The following LIPA variants were observed in gnomAD, a reference collection of about 807,000 sequenced individuals.
LIPA encodes lipase A, lysosomal acid type.
A neutral mutation model predicts 40.6 loss-of-function variants in LIPA; 26 were observed. That is an observed-to-expected ratio of 0.64 (90% CI 0.47 to 0.89). The LOEUF is 0.89. LIPA is among the 40% of genes least tolerant of loss of function. The pLI, the probability that LIPA is intolerant of heterozygous loss-of-function variation, is 0.00. For missense variants in LIPA, 455 were observed against 479.6 expected (o/e 0.95, Z 0.48); for synonymous variants, 188 against 168.4 (o/e 1.12, Z -0.90).
Position 89,225,152 on chromosome 10 carries a change from G to T in LIPA, c.615C>A (p.Ser205=), listed in dbSNP as rs143930279. 1 of 1,614,122 alleles carries T rather than the reference G, an allele frequency of 6.2e-7. No homozygotes were observed. Among genetic ancestry groups the T allele is most frequent in the East Asian group, 2.2e-5 (1 of 44,880 alleles). ...KMFFALGPVA[S]VAFCTSPMAK... ...CCATAGGGCTAGTACAGAAGGCGACGGAAGCCACAGGACCCAGGGCAAAAA... is the reference window on the plus strand; with the variant it reads ...CCATAGGGCTAGTACAGAAGGCGACTGAAGCCACAGGACCCAGGGCAAAAA... Residue 205 remains serine (S), a synonymous_variant, in exon 6 of 10, where the codon TCC becomes TCA. Transcript: ENST00000336233.
chr10:89,249,392 A>T (rs1158219467), intron 1 of LIPA, among the ~76,000 whole-genome samples: 3 of 152,224 alleles, frequency 2.0e-5, no homozygotes, highest in Non-Finnish European at 2.9e-5. Flanking sequence ...CTACATTTTT[A>T]AAAAATAAAT....
intron 1 of LIPA, chr10:89,306,212 G>A: frequency 6.2e-7 from 1 of 1,614,164 alleles, no homozygotes. Flanking sequence ...GCAAGAGCAT[G>A]CTGACCAGGC....
intron 1 of LIPA, among the ~76,000 whole-genome samples, chr10:89,323,333 C>A (rs1843581651): frequency 6.6e-6 from 1 of 152,146 alleles, no homozygotes; most frequent in South Asian, 2.1e-4. Flanking sequence ...AGGTCAACAT[C>A]ATACTGAATG....
At chr10:89,304,921 G>A (rs1372106610) in intron 1 of LIPA, among the ~76,000 whole-genome samples, 1 of 151,992 alleles carries the variant, frequency 6.6e-6, no homozygotes, top group Non-Finnish European at 1.5e-5. Context: ...TAGTGGCCTT[G>A]TGAGCCTTCC....
chr10:89,399,762 T>C (rs1844395839), intron 2 of LIPA, among the ~76,000 whole-genome samples: 1 of 149,978 alleles, frequency 6.7e-6, no homozygotes, highest in Non-Finnish European at 1.5e-5. Flanking sequence ...TGTTGAACTG[T>C]TGTTTGGAGA....
intron 2 of LIPA, among the ~76,000 whole-genome samples, chr10:89,401,717 G>C (rs1371889603): frequency 6.6e-6 from 1 of 151,686 alleles, no homozygotes; most frequent in Non-Finnish European, 1.5e-5. Context: ...AGTGGGTGAA[G>C]GATACACTGG....
chr10:89,260,124 T>C (rs1843200093), intron 1 of LIPA, among the ~76,000 whole-genome samples: 1 of 152,206 alleles, frequency 6.6e-6, no homozygotes, highest in Non-Finnish European at 1.5e-5. Context: ...ACAGATATAA[T>C]CCTAATACTT....
At chr10:89,252,851 G>A (rs996190432), upstream of LIPA, among the ~76,000 whole-genome samples, 4 of 151,850 alleles carry the variant, frequency 2.6e-5, no homozygotes, top group South Asian at 6.2e-4. Flanking sequence ...TATGTATATG[G>A]TAATCAGGAA....
intron 1 of LIPA, among the ~76,000 whole-genome samples, chr10:89,270,083 C>T (rs1351326913): frequency 6.6e-6 from 1 of 152,240 alleles, no homozygotes; most frequent in Non-Finnish European, 1.5e-5. Context: ...CAGGTGGTCA[C>T]TCCAAATTAG....
intron 1 of LIPA, among the ~76,000 whole-genome samples, chr10:89,317,966 T>C (rs1843550105): frequency 6.6e-6 from 1 of 152,148 alleles, no homozygotes; most frequent in African/African-American, 2.4e-5. Flanking sequence ...CCAGCCAAAC[T>C]AAGCTTCATA....
At chr10:89,319,734 C>G (rs1843561035) in intron 1 of LIPA, among the ~76,000 whole-genome samples, 1 of 152,290 alleles carries the variant, frequency 6.6e-6, no homozygotes, top group Admixed American at 6.5e-5. Context: ...CATCCTGATA[C>G]CAAAGCCTGG....
At chr10:89,389,403 CA>C (rs1490848152) in intron 2 of LIPA, among the ~76,000 whole-genome samples, 1 of 152,162 alleles carries the variant, frequency 6.6e-6, no homozygotes, top group African/African-American at 2.4e-5. Flanking sequence ...TTCTGCAGTA[CA>C]AACTGATGGA....
chr10:89,341,117 C>A (rs1236346521), intron 1 of LIPA: 1 of 152,218 alleles, frequency 6.6e-6, no homozygotes, highest in East Asian at 1.9e-4. Flanking sequence ...AGAATGAACA[C>A]CCTCCCCCTG....
chr10:89,386,362 T>C (rs1478805247), intron 2 of LIPA, among the ~76,000 whole-genome samples: 1 of 152,206 alleles, frequency 6.6e-6, no homozygotes, highest in Non-Finnish European at 1.5e-5. Context: ...GTCATTTAGA[T>C]GACACCTGGA....
chr10:89,379,583 G>C (rs1844145917), intron 2 of LIPA, among the ~76,000 whole-genome samples: 1 of 152,186 alleles, frequency 6.6e-6, no homozygotes, highest in Non-Finnish European at 1.5e-5. Context: ...AGTGGGAGAG[G>C]AAGAACTTTA....
intron 1 of LIPA, among the ~76,000 whole-genome samples, chr10:89,303,387 T>C (rs1564780621): frequency 6.6e-6 from 1 of 152,218 alleles, no homozygotes; most frequent in Admixed American, 6.5e-5. Context: ...GTGGTAGCAT[T>C]AGTTCTGAGC....
At chr10:89,316,563 G>T (rs1843542707) in intron 1 of LIPA, among the ~76,000 whole-genome samples, 1 of 152,222 alleles carries the variant, frequency 6.6e-6, no homozygotes, top group African/African-American at 2.4e-5. Flanking sequence ...AAACAAAGTG[G>T]CTAGGAAGCT....
At chr10:89,263,040 T>C (rs566219863) in intron 1 of LIPA, among the ~76,000 whole-genome samples, 351 of 152,358 alleles carry the variant, frequency 2.3e-3, no homozygotes, top group African/African-American at 8.1e-3. Flanking sequence ...CAAGTCTTCA[T>C]GAATTCCTTA....
chr10:89,240,342 T>G (rs1042580945), intron 3 of LIPA, among the ~76,000 whole-genome samples: 3 of 152,222 alleles, frequency 2.0e-5, no homozygotes, highest in Non-Finnish European at 4.4e-5. Flanking sequence ...ATGCCTGTTA[T>G]CCCAGCCCTT....
Sources: allele counts gnomAD v4.1 joint callset (sites outside exome capture counted in the v4.1 genomes callset), GRCh38; gene constraint gnomAD v4.1.1; transcripts MANE v1.5; gene names NCBI Gene and HGNC (gene_info 2026-07-23, HGNC 2026-07-21).